The following FLVCR1 variants were observed in gnomAD, a reference collection of about 807,000 sequenced individuals.
FLVCR1 encodes the protein choline/ethanolamine transporter FLVCR1.
Under a neutral mutation model 53.6 loss-of-function variants are expected in FLVCR1, and 34 were observed. The ratio of observed to expected loss-of-function variants is 0.63; its 90% CI spans 0.48 to 0.84. The LOEUF (loss-of-function observed/expected upper bound fraction) is 0.84, where lower values mean the gene tolerates loss of function less well. Ranked by LOEUF, FLVCR1 falls within the 40% of genes least tolerant of loss-of-function variation. The pLI is 0.00. For synonymous variants in FLVCR1, 300 were observed against 286.3 expected (o/e 1.05, Z -0.48); for missense variants, 677 against 696.7 (o/e 0.97, Z 0.32).
rs534403116 is a variant in FLVCR1 at position 212,858,722 on chromosome 1, C to T, written c.270C>T (p.Thr90=). The change falls in exon 1 of 10, where the codon ACC becomes ACT. Residue 90 remains threonine, a synonymous_variant. Coordinates refer to ENST00000366971, the MANE Select transcript of FLVCR1 (RefSeq NM_014053.4). Reference sequence around the variant, plus strand: ...TGCCTGCGGGCGCGGGAGCTGAGACCCCGGGGGCCGAGAGCAGCCCGCTGC... The same window carrying T: ...TGCCTGCGGGCGCGGGAGCTGAGACTCCGGGGGCCGAGAGCAGCCCGCTGC... ...RLLPAGAGAE[T]PGAESSPLPL... 1 of 1,606,866 alleles carries T rather than the reference C, an allele frequency of 6.2e-7. No individual in the cohort carries two copies. The highest frequency in any genetic ancestry group is 1.1e-5 in the South Asian group (1 of 90,476).
intron 3 of FLVCR1, among the ~76,000 whole-genome samples, chr1:212,882,172 C>CA (rs1389300976): frequency 6.6e-6 from 1 of 152,056 alleles, no homozygotes; most frequent in Non-Finnish European, 1.5e-5. Flanking sequence ...TGTATAAGAA[C>CA]AAAAACATAA....
intron 2 of FLVCR1, among the ~76,000 whole-genome samples, chr1:212,865,225 A>G (rs1664372247): frequency 6.6e-6 from 1 of 150,930 alleles, no homozygotes; most frequent in African/African-American, 2.4e-5. Flanking sequence ...GGTGTGCTGC[A>G]CCCATTAACT....
rs1480786772 is a variant in FLVCR1, at chr1:212,899,042, A to G, written c.*3752A>G. The G allele has an allele frequency of 6.6e-6, 1 of 152,232 alleles. No individual in the cohort carries two copies. The highest frequency in any genetic ancestry group is 1.5e-5 in the Non-Finnish European group (1 of 68,042). The allele number at this position is 152,232 out of a possible 1,614,324, so 9.4% of individuals were successfully genotyped here. On this transcript the variant is annotated 3_prime_UTR_variant, in exon 10 of 10. Coordinates refer to ENST00000366971, the MANE Select transcript of FLVCR1 (RefSeq NM_014053.4). Reference sequence around the variant, plus strand: ...CAATTGTTGATCGAAACATGACTGTATGTCGTATTTTCAGAAAATGGAATA... The same window carrying G: ...CAATTGTTGATCGAAACATGACTGTGTGTCGTATTTTCAGAAAATGGAATA...
At position 212,872,711 on chromosome 1, in the gene FLVCR1, A is replaced by C; in HGVS notation, c.917A>C (p.Gln306Pro). The change falls in exon 3 of 10, where the codon CAG becomes CCG. Residue 306 changes from glutamine to proline, a missense_variant. Gln to Pro is a moderately conservative substitution (Grantham distance 76, BLOSUM62 -1). Transcript: ENST00000366971. ...GAAAAACCTCGGTATCCACCAAGTC[A>C]GGCTCAAGCAGCTCTTCAAGACAGT... Reference protein sequence around the residue: ...FKEKPRYPPSQAQAALQDSPP... With the variant: ...FKEKPRYPPSPAQAALQDSPP... 6.2e-7 allele frequency: 1 copy of C among 1,613,940 alleles called. No homozygotes were observed. The highest frequency in any genetic ancestry group is 8.5e-7 in the Non-Finnish European group (1 of 1,179,838).
rs541568496 is a variant in FLVCR1 at position 212,867,960 on chromosome 1, C to T, written c.883+4091C>T. Among the ~76,000 whole-genome samples the T allele has an allele frequency of 8.6e-5, 13 of 151,942 alleles. No individual in the cohort carries two copies. In the East Asian group the frequency reaches 2.1e-3, roughly 25 times the overall value. On this transcript the variant is annotated intron_variant, in intron 2 of 9. Transcript: ENST00000366971. ...CTGGGACTACAGGCACCCACCACCG[C>T]GCCCGGCTAATTTTTTGTATTTTTA...
chr1:212,861,694 G>T (rs2102532625), intron 1 of FLVCR1, among the ~76,000 whole-genome samples: 1 of 151,662 alleles, frequency 6.6e-6, no homozygotes, highest in Non-Finnish European at 1.5e-5. Flanking sequence ...TTTTGAGATG[G>T]AGTCTTGCTC....
At position 212,872,692 on chromosome 1, in the gene FLVCR1, C is replaced by A; in HGVS notation, c.898C>A (p.Pro300Thr). The A allele has an allele frequency of 6.2e-7, 1 of 1,613,130 alleles. No individual in the cohort carries two copies. Among genetic ancestry groups the A allele is most frequent in the South Asian group, 1.1e-5 (1 of 91,058 alleles). ...TATATTCTCAGCCTTCAAAGAAAAACCTCGGTATCCACCAAGTCAGGCTCA... is the reference window on the plus strand; with the variant it reads ...TATATTCTCAGCCTTCAAAGAAAAAACTCGGTATCCACCAAGTCAGGCTCA... Reference protein sequence around the residue: ...ILTAIAFKEKPRYPPSQAQAA... With the variant: ...ILTAIAFKEKTRYPPSQAQAA... The change falls in exon 3 of 10, where the codon CCT (proline) becomes ACT (threonine). Residue 300 changes from proline (P) to threonine (T), a missense_variant. Transcript: ENST00000366971.
At position 212,889,120 on chromosome 1, in the gene FLVCR1, G is replaced by A. The variant is rs191466609; in HGVS notation, c.1414-26G>A. On this transcript the variant is annotated intron_variant, in intron 7 of 9. Coordinates refer to ENST00000366971, the MANE Select transcript of FLVCR1 (RefSeq NM_014053.4). ...GCTTTAAATAATTTAACTTAATAACGAATGATTTTTCTTATTGTATTTTAG... is the reference window on the plus strand; with the variant it reads ...GCTTTAAATAATTTAACTTAATAACAAATGATTTTTCTTATTGTATTTTAG... 109 of 1,431,820 alleles carry A rather than the reference G, an allele frequency of 7.6e-5. 1 individual carries two copies. The African/African-American group carries it at 1.3e-3, about 17-fold the overall frequency. 88.7% of individuals were successfully genotyped at this position (1,431,820 alleles called of 1,614,324 possible).
At position 212,858,293 on chromosome 1, in the gene FLVCR1, GC is replaced by G; in HGVS notation, c.-159del. On this transcript the variant is annotated 5_prime_UTR_variant, in exon 1 of 10. Coordinates refer to ENST00000366971, the MANE Select transcript of FLVCR1 (RefSeq NM_014053.4). ...GGGGAGGAGACCTTCATCTGTTCAC[GC>G]GGTAGCGCGGATTGCGGTTCGCGGC... The G allele has an allele frequency of 1.4e-6, 1 of 706,420 alleles. No homozygotes were observed. The highest frequency in any genetic ancestry group is 2.2e-6 in the Non-Finnish European group (1 of 452,032). 43.8% of individuals were successfully genotyped at this position (706,420 alleles called of 1,614,324 possible).
chr1:212,881,187 A>T (rs1326104518), intron 3 of FLVCR1, among the ~76,000 whole-genome samples: 1 of 152,340 alleles, frequency 6.6e-6, no homozygotes, highest in East Asian at 1.9e-4. Flanking sequence ...ACTCTACATC[A>T]TACCATGCAT....
intron 5 of FLVCR1, among the ~76,000 whole-genome samples, chr1:212,886,042 CTTTT>C (rs5780703): frequency 8.3e-6 from 1 of 121,162 alleles, no homozygotes; most frequent in Non-Finnish European, 1.6e-5. Flanking sequence ...TTATCTTGTT[CTTTT>C]TTTTTTTTTT....
In FLVCR1 at chr1:212,897,367, CACAA is replaced by C. The variant is rs1023417443; in HGVS notation, c.*2079_*2082del. 1 of 151,426 alleles carries C rather than the reference CACAA, an allele frequency of 6.6e-6. No individual in the cohort carries two copies. Among genetic ancestry groups the C allele is most frequent in the African/African-American group, 2.4e-5 (1 of 41,148 alleles). The allele number at this position is 151,426 out of a possible 1,614,324, so 9.4% of individuals were successfully genotyped here. On this transcript the variant is annotated 3_prime_UTR_variant, in exon 10 of 10. Coordinates refer to ENST00000366971, the MANE Select transcript of FLVCR1 (RefSeq NM_014053.4). ...AAATACATACACACACACACACACA[CACAA>C]ATTAGCCGGGCATGGTGGCACACGC...
chr1:212,889,359 A>G, intron 8 of FLVCR1, 102 bp downstream of exon 8: 1 of 764,518 alleles, frequency 1.3e-6, no homozygotes, highest in East Asian at 2.6e-5. Flanking sequence ...GAAAAAAATG[A>G]GATAAAAAGC....
At chr1:212,883,281 A>C (rs1293061066) in intron 3 of FLVCR1, 90 bp from the exon 4 acceptor site, 8 of 741,960 alleles carry the variant, frequency 1.1e-5, no homozygotes, top group Non-Finnish European at 1.9e-5. Context: ...ATTCCATGTC[A>C]CTTCATGAAC....
At chr1:212,863,098 T>C (rs1664294811) in intron 1 of FLVCR1, among the ~76,000 whole-genome samples, 1 of 152,202 alleles carries the variant, frequency 6.6e-6, no homozygotes, top group Non-Finnish European at 1.5e-5. Flanking sequence ...TCTGATTCTG[T>C]AGGTCATCTT....
intron 3 of FLVCR1, among the ~76,000 whole-genome samples, chr1:212,881,224 G>A (rs371330434): frequency 6.7e-6 from 1 of 150,022 alleles, no homozygotes; most frequent in African/African-American, 2.4e-5. Flanking sequence ...AGAGACCAAA[G>A]AGTAAAAATA....
intron 8 of FLVCR1, among the ~76,000 whole-genome samples, chr1:212,892,215 C>G (rs961049747): frequency 1.3e-5 from 2 of 152,174 alleles, no homozygotes; most frequent in Non-Finnish European, 2.9e-5. Flanking sequence ...CTACAATAAA[C>G]CACAAATTTT....
At chr1:212,874,916 TACAC>T (rs57061343) in intron 3 of FLVCR1, among the ~76,000 whole-genome samples, 3 of 149,470 alleles carry the variant, frequency 2.0e-5, no homozygotes, top group African/African-American at 4.9e-5. Context: ...GTCACAGACG[TACAC>T]ACACACACAC....
intron 1 of FLVCR1, 128 bp from the exon 2 acceptor site, chr1:212,863,597 G>T: frequency 4.5e-4 from 261 of 573,662 alleles, no homozygotes; most frequent in Non-Finnish European, 7.0e-4. Flanking sequence ...AAAAAAAAAA[G>T]AACATAATAG....
Sources: allele counts gnomAD v4.1 joint callset (sites outside exome capture counted in the v4.1 genomes callset), GRCh38; gene constraint gnomAD v4.1.1; transcripts MANE v1.5; gene names NCBI Gene and HGNC (gene_info 2026-07-23, HGNC 2026-07-21).